LRRC4C: variants seen among roughly 807,000 people sequenced by gnomAD.
LRRC4C encodes the protein leucine rich repeat containing 4C, also known as leucine-rich repeat-containing protein 4C.
In LRRC4C, 5 loss-of-function variants were observed where a neutral mutation model predicts 33.6. The observed-to-expected ratio is 0.15, with a 90% CI of 0.08 to 0.31. The LOEUF is 0.31. Ranked by LOEUF, LRRC4C falls within the 10% of genes least tolerant of loss-of-function variation. LRRC4C has a pLI of 1.00. For missense variants in LRRC4C, 560 were observed against 796.7 expected (o/e 0.70, Z 3.58); for synonymous variants, 329 against 302.0 (o/e 1.09, Z -0.93).
At chr11:40,743,496 A>G (rs1401894811) in intron 2 of LRRC4C, among the ~76,000 whole-genome samples, 1 of 152,058 alleles carries the variant, frequency 6.6e-6, no homozygotes, top group African/African-American at 2.4e-5. Context: ...TTCCTTGCCT[A>G]TTCCAGCTTA....
rs985129039 is a variant in LRRC4C, at chr11:40,163,562, G to C, written c.-95-22709C>G. ...TTTATATATATTTGTGTATATGTAT[G>C]AGTATGTATATATTCTGAATTGCAA... On this transcript the variant is annotated intron_variant, in intron 5 of 6. Coordinates refer to ENST00000528697, the MANE Select transcript of LRRC4C (RefSeq NM_001258419.2). Among the ~76,000 whole-genome samples the C allele has an allele frequency of 3.9e-5, 6 of 152,134 alleles. No homozygotes were observed. In the South Asian group the frequency reaches 1.2e-3, roughly 31 times the overall value.
At chr11:40,704,217 T>C (rs1946026995) in intron 2 of LRRC4C, among the ~76,000 whole-genome samples, 2 of 152,252 alleles carry the variant, frequency 1.3e-5, no homozygotes, top group African/African-American at 4.8e-5. Flanking sequence ...AAATACTACA[T>C]CATTTTATAT....
intron 3 of LRRC4C, among the ~76,000 whole-genome samples, chr11:40,489,727 C>G (rs76887128): frequency 6.6e-6 from 1 of 152,012 alleles, no homozygotes; most frequent in Admixed American, 6.6e-5. Context: ...TTTTTCACTT[C>G]CAGCTATGAG....
At position 41,097,470 on chromosome 11, in the gene LRRC4C, GTTC is replaced by G. The variant is rs1940883983; in HGVS notation, c.-495-163750_-495-163748del. Among the ~76,000 whole-genome samples, 4 of 152,206 alleles carry G rather than the reference GTTC, an allele frequency of 2.6e-5. 1 individual carries two copies. The South Asian group carries it at 8.3e-4, about 31-fold the overall frequency. ...TGAACACCACCCTAGTACAAAGAAT[GTTC>G]TTCTGTATGAGGTTTGAGGGGGCTC... On this transcript the variant is annotated intron_variant, in intron 1 of 6. Transcript: ENST00000528697.
chr11:40,627,227 C>T (rs1963026827), intron 3 of LRRC4C, among the ~76,000 whole-genome samples: 2 of 150,744 alleles, frequency 1.3e-5, no homozygotes, highest in Admixed American at 6.6e-5. Flanking sequence ...CAATATTTCA[C>T]TTCAAAAGCA....
At chr11:40,146,980 A>C (rs983967053) in intron 5 of LRRC4C, among the ~76,000 whole-genome samples, 1 of 152,144 alleles carries the variant, frequency 6.6e-6, no homozygotes, top group Non-Finnish European at 1.5e-5. Flanking sequence ...ACTTTACTCA[A>C]AGTGGGCCCT....
intron 2 of LRRC4C, among the ~76,000 whole-genome samples, chr11:40,901,830 G>A (rs1254944256): frequency 1.3e-5 from 2 of 151,966 alleles, no homozygotes; most frequent in African/African-American, 2.4e-5. Context: ...GACAGAGGGA[G>A]TGAACTCAAA....
At chr11:40,124,937 T>C (rs890098098) in intron 6 of LRRC4C, among the ~76,000 whole-genome samples, 5 of 151,916 alleles carry the variant, frequency 3.3e-5, no homozygotes, top group African/African-American at 1.2e-4. Context: ...ACACCTACTA[T>C]GTACCCACAA....
At chr11:40,724,201 G>A (rs1423354544) in intron 2 of LRRC4C, among the ~76,000 whole-genome samples, 2 of 152,112 alleles carry the variant, frequency 1.3e-5, no homozygotes, top group African/African-American at 4.8e-5. Context: ...ACAGATCACT[G>A]AGAAAGAAAA....
chr11:40,264,978 G>T (rs562812106), intron 4 of LRRC4C, among the ~76,000 whole-genome samples: 1 of 152,266 alleles, frequency 6.6e-6, no homozygotes, highest in African/African-American at 2.4e-5. Context: ...AACGGCTAAA[G>T]GTCAAGGTCT....
chr11:41,176,993 AAAACAAAACAAAACAAAAC>A (rs1945231935), intron 1 of LRRC4C, among the ~76,000 whole-genome samples: 1 of 150,118 alleles, frequency 6.7e-6, no homozygotes, highest in Non-Finnish European at 1.5e-5. Context: ...AAAACAAAAC[AAAACAAAACAAAACAAAAC>A]AAAACAAAAC....
intron 1 of LRRC4C, among the ~76,000 whole-genome samples, chr11:41,286,822 A>G (rs1260506521): frequency 6.6e-6 from 1 of 151,946 alleles, no homozygotes; most frequent in Non-Finnish European, 1.5e-5. Flanking sequence ...AAGGAGGAGG[A>G]GGAGAAGGAT....
chr11:40,949,900 C>A (rs949000908), intron 1 of LRRC4C, among the ~76,000 whole-genome samples: 1 of 152,028 alleles, frequency 6.6e-6, no homozygotes, highest in Non-Finnish European at 1.5e-5. Context: ...CTAAATGCTC[C>A]AATTAAAAGA....
intron 1 of LRRC4C, among the ~76,000 whole-genome samples, chr11:41,005,539 G>A (rs1854684529): frequency 6.6e-6 from 1 of 152,148 alleles, no homozygotes. Context: ...GGGAGGTGGA[G>A]GTTGCAGTGA....
intron 5 of LRRC4C, among the ~76,000 whole-genome samples, chr11:40,150,188 T>C (rs1858074027): frequency 6.6e-6 from 1 of 152,186 alleles, no homozygotes; most frequent in Non-Finnish European, 1.5e-5. Flanking sequence ...TATGAGGACA[T>C]TTGTCATTGT....
intron 4 of LRRC4C, among the ~76,000 whole-genome samples, chr11:40,300,760 C>A (rs995088871): frequency 1.3e-5 from 2 of 152,140 alleles, no homozygotes; most frequent in Non-Finnish European, 2.9e-5. Context: ...AATGTAATAC[C>A]CAGCACTTGG....
chr11:40,211,127 C>G (rs1485897562), intron 5 of LRRC4C, among the ~76,000 whole-genome samples: 1 of 152,200 alleles, frequency 6.6e-6, no homozygotes, highest in Non-Finnish European at 1.5e-5. Context: ...TTGCAATACA[C>G]TCAAGTATCT....
intron 1 of LRRC4C, among the ~76,000 whole-genome samples, chr11:41,249,811 G>C (rs1948580967): frequency 6.6e-6 from 1 of 152,008 alleles, no homozygotes; most frequent in African/African-American, 2.4e-5. Context: ...ATTTTTCTTT[G>C]TGACACTTAT....
At chr11:41,160,024 C>T (rs1466053201) in intron 1 of LRRC4C, among the ~76,000 whole-genome samples, 1 of 151,942 alleles carries the variant, frequency 6.6e-6, no homozygotes, top group Non-Finnish European at 1.5e-5. Flanking sequence ...AGGGCACACA[C>T]ACATACACAC....
Sources: gnomAD v4.1 joint callset for allele counts (sites outside exome capture counted in the v4.1 genomes callset) on GRCh38, gnomAD v4.1.1 for gene constraint, MANE v1.5 for transcripts, NCBI Gene and HGNC (gene_info 2026-07-23, HGNC 2026-07-21) for gene names.